Variants in ADAR observed in about 807,000 individuals in gnomAD.
ADAR encodes the protein adenosine deaminase RNA specific, also known as double-stranded RNA-specific adenosine deaminase.
A neutral mutation model predicts 113.2 loss-of-function variants in ADAR; 41 were observed. The ratio of observed to expected loss-of-function variants is 0.36; its 90% CI spans 0.28 to 0.47. The LOEUF is 0.47. Ranked by LOEUF, ADAR falls within the 20% of genes least tolerant of loss-of-function variation. The pLI, the probability that ADAR is intolerant of heterozygous loss-of-function variation, is 1.00. For synonymous variants in ADAR, 605 were observed against 572.6 expected, an observed-to-expected ratio of 1.06 and a Z score of -0.81; for missense variants, 1,242 against 1,540.9, an observed-to-expected ratio of 0.81 and a Z score of 3.25.
At chr1:154,613,909 A>C (rs1314143115) in intron 1 of ADAR, among the ~76,000 whole-genome samples, 1 of 151,644 alleles carries the variant, frequency 6.6e-6, no homozygotes, top group Non-Finnish European at 1.5e-5. Flanking sequence ...CATCTCAAAA[A>C]AAAAAAAAAA....
At chr1:154,616,442 A>G (rs1456164787) in intron 1 of ADAR, among the ~76,000 whole-genome samples, 1 of 151,806 alleles carries the variant, frequency 6.6e-6, no homozygotes, top group East Asian at 1.9e-4. Context: ...CCCTCCTGCC[A>G]CATACTTGCC....
Position 154,594,084 on chromosome 1 carries a change from G to A in ADAR, c.2270+2721C>T, listed in dbSNP as rs189695293. 2.6e-3 allele frequency among the ~76,000 whole-genome samples: 391 copies of A among 152,276 alleles called. 2 individuals are homozygous for A. The highest frequency in any genetic ancestry group is 4.3e-3 in the Non-Finnish European group (295 of 68,022). The stretch of plus-strand genomic sequence containing the variant: ...TTTAGTAGAGATGGGGTTTTACCAT[G>A]TTGGCCAGGCTGGTCTCAAATTACT... On this transcript the variant is annotated intron_variant, in intron 6 of 14. Coordinates refer to ENST00000368474, the MANE Select transcript of ADAR (RefSeq NM_001111.5).
chr1:154,621,095 T>A (rs1698780428), intron 1 of ADAR, among the ~76,000 whole-genome samples: 1 of 152,232 alleles, frequency 6.6e-6, no homozygotes, highest in Admixed American at 6.5e-5. Context: ...AGCAAGCTGT[T>A]CGCTATTCTG....
chr1:154,600,955 G>A, intron 2 of ADAR, 86 bp downstream of exon 2: 1 of 1,568,318 alleles, frequency 6.4e-7, no homozygotes, highest in South Asian at 1.1e-5. Context: ...CCACCAAACA[G>A]CACTGCTCAC....
intron 12 of ADAR, 129 bp downstream of exon 12, chr1:154,586,052 T>C: frequency 7.7e-7 from 1 of 1,304,566 alleles, no homozygotes; most frequent in South Asian, 1.2e-5. Context: ...GGACACTCAA[T>C]CAATTACTGA....
chr1:154,612,200 T>C (rs1014362427), upstream of ADAR, among the ~76,000 whole-genome samples: 1 of 152,190 alleles, frequency 6.6e-6, no homozygotes, highest in African/African-American at 2.4e-5. Flanking sequence ...GTAAAGCAGA[T>C]GTCTGCAAAC....
chr1:154,596,176 A>C (rs1697480581), intron 6 of ADAR, among the ~76,000 whole-genome samples: 1 of 152,234 alleles, frequency 6.6e-6, no homozygotes, highest in South Asian at 2.1e-4. Context: ...ATATGGGTCT[A>C]GGGAGGGAAA....
chr1:154,600,115 G>C (rs761123027), intron 2 of ADAR: 1 of 152,318 alleles, frequency 6.6e-6, no homozygotes, highest in Non-Finnish European at 1.5e-5. Flanking sequence ...CTCTGCCTTA[G>C]GAGGCAGGCA....
upstream of ADAR, among the ~76,000 whole-genome samples, chr1:154,610,807 T>TAAAAAA (rs1698458360): frequency 1.2e-4 from 2 of 16,956 alleles, no homozygotes; most frequent in African/African-American, 2.2e-4. Flanking sequence ...AGACACCGTC[T>TAAAAAA]CAAAAAAAAA....
chr1:154,612,231 C>T (rs2101682382), upstream of ADAR, among the ~76,000 whole-genome samples: 2 of 150,466 alleles, frequency 1.3e-5, no homozygotes, highest in South Asian at 4.2e-4. Flanking sequence ...TTTGCTCATA[C>T]AGTGATACTG....
At chr1:154,585,684 T>C (rs1696711541) in intron 13 of ADAR, 69 bp downstream of exon 13, 1 of 1,358,912 alleles carries the variant, frequency 7.4e-7, no homozygotes, top group Non-Finnish European at 1.0e-6. Context: ...AGTGTACATT[T>C]TTCCTCTGTT....
chr1:154,607,958 AC>A, intron 1 of ADAR, 33 bp downstream of exon 1: 1 of 1,611,532 alleles, frequency 6.2e-7, no homozygotes, highest in South Asian at 1.1e-5. Flanking sequence ...ACGAACCCAG[AC>A]GGCGGCGAAG....
At chr1:154,600,716 C>G in intron 2 of ADAR, 1 of 374,146 alleles carries the variant, frequency 2.7e-6, no homozygotes, top group South Asian at 2.4e-5. Context: ...TCGTGATATG[C>G]CTGCCTCGGC....
Position 154,598,384 on chromosome 1 carries a change from T to C in ADAR, c.1785+18A>G. On this transcript the variant is annotated intron_variant, in intron 3 of 14. Coordinates refer to ENST00000368474, the MANE Select transcript of ADAR (RefSeq NM_001111.5). ...CTGACAGGGAACTGATCCTCCCAGA[T>C]GGCAGGAGGACACCTACCTTCTCTG... 1 of 1,612,780 alleles carries C rather than the reference T, an allele frequency of 6.2e-7. No individual in the cohort carries two copies. The highest frequency in any genetic ancestry group is 1.1e-5 in the South Asian group (1 of 91,020).
At chr1:154,586,953 A>T (rs988745399) in intron 11 of ADAR, among the ~76,000 whole-genome samples, 1 of 151,496 alleles carries the variant, frequency 6.6e-6, no homozygotes, top group Non-Finnish European at 1.5e-5. Context: ...TATCGGGTTT[A>T]AAAAAAAACA....
rs940393676 is a variant in ADAR, at chr1:154,601,326, T to C, written c.1316A>G (p.Asn439Ser). The C allele has an allele frequency of 1.6e-5, 26 of 1,614,134 alleles. No individual in the cohort carries two copies. Among genetic ancestry groups the C allele is most frequent in the Non-Finnish European group, 1.9e-5 (23 of 1,180,046 alleles). The change falls in exon 2 of 15, where the codon AAT becomes AGT. Residue 439 changes from asparagine to serine, a missense_variant. Physicochemically the swap from Asn to Ser is conservative, Grantham distance 46. Transcript: ENST00000368474. The surrounding 1 kb of genome is among the most constrained non-coding windows in gnomAD (Gnocchi z 4.7). Reference sequence around the variant, plus strand: ...AACATACCCTGCTTTTGAGGGGCCATTGTAATGAACAGGTGGTTTCAGTCT... The same window carrying C: ...AACATACCCTGCTTTTGAGGGGCCACTGTAATGAACAGGTGGTTTCAGTCT... ...PARLKPPVHY[N>S]GPSKAGYVDF... is the part of the protein sequence containing the mutation.
intron 11 of ADAR, among the ~76,000 whole-genome samples, chr1:154,587,651 G>A (rs1047781984): frequency 6.6e-6 from 1 of 152,204 alleles, no homozygotes; most frequent in Non-Finnish European, 1.5e-5. Flanking sequence ...AGACAGGAGA[G>A]GATAGGAGAG....
intron 6 of ADAR, among the ~76,000 whole-genome samples, chr1:154,595,466 A>G (rs1697429136): frequency 6.6e-6 from 1 of 152,100 alleles, no homozygotes; most frequent in Admixed American, 6.6e-5. Flanking sequence ...CAGCTAATGT[A>G]TTTTCATCTT....
At position 154,585,011 on chromosome 1, in the gene ADAR, T is replaced by C; in HGVS notation, c.3476A>G (p.Lys1159Arg). ...PRNELSRVSK[K>R]NIFLLFKKLC... ...CTTCTTAAATAGAAGAAAAATGTTC[T>C]TTTTGGAGACCCGGGACAATTCATT... The change falls in exon 15 of 15, where the codon AAG (lysine) becomes AGG (arginine). Residue 1159 changes from lysine (K) to arginine (R), a missense_variant. Coordinates refer to ENST00000368474, the MANE Select transcript of ADAR (RefSeq NM_001111.5). 6.2e-7 allele frequency: 1 copy of C among 1,614,068 alleles called. No individual in the cohort carries two copies. Among genetic ancestry groups the C allele is most frequent in the Non-Finnish European group, 8.5e-7 (1 of 1,180,016 alleles).
Sources: allele counts gnomAD v4.1 joint callset (sites outside exome capture counted in the v4.1 genomes callset), GRCh38; gene constraint gnomAD v4.1.1; non-coding constraint Gnocchi (gnomAD v3.1); transcripts MANE v1.5; gene names NCBI Gene and HGNC (gene_info 2026-07-23, HGNC 2026-07-21).